DLGAP1: variants seen among roughly 807,000 people sequenced by gnomAD.
The protein encoded by DLGAP1 is disks large-associated protein 1.
A neutral mutation model predicts 90.8 loss-of-function variants in DLGAP1; 11 were observed. That is an observed-to-expected ratio of 0.12 (90% CI 0.08 to 0.20). The LOEUF is 0.20. Ranked by LOEUF, DLGAP1 falls within the 10% of genes least tolerant of loss-of-function variation. The pLI is 1.00. For synonymous variants in DLGAP1, 558 were observed against 540.7 expected, an observed-to-expected ratio of 1.03 and a Z score of -0.44; for missense variants, 1,050 against 1,333.8, an observed-to-expected ratio of 0.79 and a Z score of 3.31.
intron 7 of DLGAP1, among the ~76,000 whole-genome samples, chr18:3,589,217 T>C (rs796552395): frequency 4.6e-5 from 7 of 152,086 alleles, no homozygotes; most frequent in African/African-American, 1.7e-4. Context: ...AAAAAGAAAG[T>C]GTTGCAAGCT....
intron 3 of DLGAP1, among the ~76,000 whole-genome samples, chr18:3,902,541 T>C (rs1280066480): frequency 1.3e-5 from 2 of 152,172 alleles, no homozygotes; most frequent in Non-Finnish European, 2.9e-5. Flanking sequence ...TTTCTATAAG[T>C]TTCACAATAG....
At chr18:3,935,550 C>G (rs777752910) in intron 3 of DLGAP1, among the ~76,000 whole-genome samples, 3 of 152,136 alleles carry the variant, frequency 2.0e-5, no homozygotes, top group African/African-American at 7.2e-5. Context: ...GCTGCTGATG[C>G]AATTTGACAT....
At chr18:3,975,919 G>C (rs1206422045) in intron 3 of DLGAP1, among the ~76,000 whole-genome samples, 1 of 152,090 alleles carries the variant, frequency 6.6e-6, no homozygotes, top group South Asian at 2.1e-4. Flanking sequence ...ATGGCCTGGG[G>C]GAGAGGGAAT....
At chr18:3,949,065 T>C (rs2072930924) in intron 3 of DLGAP1, among the ~76,000 whole-genome samples, 1 of 152,210 alleles carries the variant, frequency 6.6e-6, no homozygotes, top group Non-Finnish European at 1.5e-5. Context: ...AATATTGTTA[T>C]GAAGAAAAGT....
chr18:3,516,908 G>A (rs2050876531), intron 10 of DLGAP1, among the ~76,000 whole-genome samples: 1 of 152,202 alleles, frequency 6.6e-6, no homozygotes, highest in Non-Finnish European at 1.5e-5. Context: ...AACCAAATCA[G>A]ATGTCATGTT....
chr18:4,346,569 T>G (rs891718362), intron 1 of DLGAP1, among the ~76,000 whole-genome samples: 2 of 152,214 alleles, frequency 1.3e-5, no homozygotes, highest in Non-Finnish European at 2.9e-5. Context: ...ATTAGGAAAC[T>G]GATAATCGGG....
At position 3,534,497 on chromosome 18, in the gene DLGAP1, T is replaced by C. The variant is rs2052212754; in HGVS notation, c.2176A>G (p.Met726Val). The change falls in exon 10 of 13, where the codon ATG becomes GTG. Residue 726 changes from methionine (M) to valine (V), a missense_variant. Met to Val is a conservative substitution (Grantham distance 21). Transcript: ENST00000315677. Reference protein sequence around the residue: ...SIEDNSCPGPMARQFSRDAST... With the variant: ...SIEDNSCPGPVARQFSRDAST... ...GCATCGCGGGAGAACTGTCTGGCCA[T>C]GGGGCCAGGACACGAATTGTCCTCT... 1 of 1,614,188 alleles carries C rather than the reference T, an allele frequency of 6.2e-7. No individual in the cohort carries two copies. Among genetic ancestry groups the C allele is most frequent in the South Asian group, 1.1e-5 (1 of 91,086 alleles).
At chr18:3,797,170 A>G (rs183335814) in intron 5 of DLGAP1, among the ~76,000 whole-genome samples, 3 of 152,176 alleles carry the variant, frequency 2.0e-5, no homozygotes, top group African/African-American at 4.8e-5. Flanking sequence ...TGACTCTACT[A>G]AAATACAAAA....
rs1223843831 is a variant in DLGAP1, at chr18:4,280,614, A to G, written c.-266-129327T>C. ...ACCACACCACCTCACACTTGTTTGT[A>G]ATGATTTCTGAACAGTAATTTAACA... On this transcript the variant is annotated intron_variant, in intron 1 of 12. Coordinates refer to ENST00000315677, the MANE Select transcript of DLGAP1 (RefSeq NM_004746.4). 3 of 152,182 alleles carry G rather than the reference A, an allele frequency of 2.0e-5. No homozygotes were observed. In the East Asian group the frequency reaches 5.8e-4, roughly 29 times the overall value. 9.4% of individuals were successfully genotyped at this position (152,182 alleles called of 1,614,324 possible).
chr18:3,622,362 C>T (rs962793716), intron 7 of DLGAP1, among the ~76,000 whole-genome samples: 2 of 152,170 alleles, frequency 1.3e-5, no homozygotes, highest in African/African-American at 4.8e-5. Flanking sequence ...GCTTCATTCT[C>T]CCAAAGTGCT....
intron 6 of DLGAP1, among the ~76,000 whole-genome samples, chr18:3,741,479 TCACTAC>T (rs2063042220): frequency 1.3e-5 from 2 of 149,792 alleles, no homozygotes; most frequent in Non-Finnish European, 3.0e-5. Flanking sequence ...ACCATTACTA[TCACTAC>T]CACTACCACT....
At chr18:3,803,957 C>CATATATATATATATAT (rs33952757) in intron 5 of DLGAP1, among the ~76,000 whole-genome samples, 2 of 84,010 alleles carry the variant, frequency 2.4e-5, no homozygotes, top group Non-Finnish European at 4.9e-5. Context: ...TATGTAGGTT[C>CATATATATATATATAT]ATATATATAT....
intron 7 of DLGAP1, among the ~76,000 whole-genome samples, chr18:3,588,330 A>G (rs377364689): frequency 7.9e-5 from 12 of 152,238 alleles, no homozygotes; most frequent in Admixed American, 2.6e-4. Context: ...GTGGCAGCAC[A>G]TGCATCTAAC....
chr18:4,039,033 A>T (rs1184165910), intron 2 of DLGAP1, among the ~76,000 whole-genome samples: 1 of 152,156 alleles, frequency 6.6e-6, no homozygotes, highest in Non-Finnish European at 1.5e-5. Context: ...AGCACGAGGA[A>T]AAAGAGGGTT....
chr18:4,329,829 C>T (rs753889968), intron 1 of DLGAP1, among the ~76,000 whole-genome samples: 7 of 151,732 alleles, frequency 4.6e-5, no homozygotes, highest in Non-Finnish European at 1.0e-4. Context: ...AGATATTGGT[C>T]TTCAGTTTTC....
At chr18:3,795,759 GAGAT>G (rs1451996303) in intron 5 of DLGAP1, among the ~76,000 whole-genome samples, 1 of 152,152 alleles carries the variant, frequency 6.6e-6, no homozygotes, top group East Asian at 1.9e-4. Context: ...GCTAGACCGG[GAGAT>G]AGATAGATAG....
chr18:3,593,199 C>T (rs530241935), intron 7 of DLGAP1, among the ~76,000 whole-genome samples: 75 of 152,158 alleles, frequency 4.9e-4, no homozygotes, highest in Non-Finnish European at 9.7e-4. Flanking sequence ...GGGACTCCTT[C>T]GTGCACAGCC....
chr18:3,832,764 A>C (rs998754081), intron 4 of DLGAP1, among the ~76,000 whole-genome samples: 2 of 152,052 alleles, frequency 1.3e-5, no homozygotes, highest in Non-Finnish European at 2.9e-5. Flanking sequence ...ATATGCTCTC[A>C]ATATTACTGG....
At chr18:4,309,542 T>G (rs1005213249) in intron 1 of DLGAP1, among the ~76,000 whole-genome samples, 7 of 152,208 alleles carry the variant, frequency 4.6e-5, no homozygotes, top group Non-Finnish European at 7.3e-5. Context: ...CCCGAAACTT[T>G]AATCACAGAA....
Sources: gnomAD v4.1 joint callset for allele counts (sites outside exome capture counted in the v4.1 genomes callset) on GRCh38, gnomAD v4.1.1 for gene constraint, MANE v1.5 for transcripts, NCBI Gene and HGNC (gene_info 2026-07-23, HGNC 2026-07-21) for gene names.